The following THBS2 variants were observed in gnomAD, a reference collection of about 807,000 sequenced individuals.
The protein encoded by THBS2 is thrombospondin-2.
A neutral mutation model predicts 135.2 loss-of-function variants in THBS2; 47 were observed. That is an observed-to-expected ratio of 0.35 (90% CI 0.28 to 0.44). THBS2 has a LOEUF of 0.44. Ranked by LOEUF, THBS2 falls within the 20% of genes least tolerant of loss-of-function variation. The pLI, the probability that THBS2 is intolerant of heterozygous loss-of-function variation, is 1.00. For synonymous variants in THBS2, 639 were observed against 633.8 expected, an observed-to-expected ratio of 1.01 and a Z score of -0.12; for missense variants, 1,288 against 1,603.1, an observed-to-expected ratio of 0.80 and a Z score of 3.36.
chr6:169,224,133 T>A (rs74770988), intron 17 of THBS2, among the ~76,000 whole-genome samples: 2 of 102,330 alleles, frequency 2.0e-5, no homozygotes, highest in Non-Finnish European at 4.0e-5. Context: ...TCACGTGGCC[T>A]GCCGTTTTGG....
chr6:169,243,038 G>T (rs372915928), intron 4 of THBS2, among the ~76,000 whole-genome samples: 1 of 22,670 alleles, frequency 4.4e-5, no homozygotes, highest in Admixed American at 4.4e-4. Context: ...CCTTCCCACC[G>T]CTCCCACCTT....
At chr6:169,235,941 ACT>A (rs1491570078) in intron 9 of THBS2, among the ~76,000 whole-genome samples, 1 of 91,002 alleles carries the variant, frequency 1.1e-5, no homozygotes, top group African/African-American at 4.5e-5. Flanking sequence ...CTCAGTCCAA[ACT>A]CACTCCCCAT....
Position 169,240,573 on chromosome 6 carries a change from A to G in THBS2, c.911T>C (p.Leu304Pro). ...LKRVSNDNQFLWELIGGPPKT... is the reference protein window; with the variant it reads ...LKRVSNDNQFPWELIGGPPKT... Reference sequence around the variant, plus strand: ...AGGAGGGCCACCAATGAGCTCCCAGAGAAACTGGTTATCATTCGACTGGAA... The same window carrying G: ...AGGAGGGCCACCAATGAGCTCCCAGGGAAACTGGTTATCATTCGACTGGAA... The change falls in exon 6 of 22, where the codon CTC becomes CCC. Residue 304 changes from leucine to proline, a missense_variant. Physicochemically the swap from Leu to Pro is moderately conservative, Grantham distance 98. Coordinates refer to ENST00000617924, the MANE Select transcript of THBS2 (RefSeq NM_003247.5). 1.2e-6 allele frequency: 2 copies of G among 1,613,958 alleles called. No homozygotes were observed. The highest frequency in any genetic ancestry group is 4.5e-5 in the East Asian group (2 of 44,878).
chr6:169,229,708 A>G lies in THBS2; in HGVS notation c.2152-29T>C, dbSNP rs1382629971. 4 of 1,576,258 alleles carry G rather than the reference A, an allele frequency of 2.5e-6. No individual in the cohort carries two copies. In the Admixed American group the frequency reaches 6.7e-5, roughly 26 times the overall value. ...CAATTGGAGAAGGAAGAATACTTGG[A>G]AAAACATTTAGGAAAGCGCCTCTTT... On this transcript the variant is annotated intron_variant, in intron 13 of 21. Transcript: ENST00000617924.
intron 15 of THBS2, among the ~76,000 whole-genome samples, chr6:169,227,609 C>T (rs772536235): frequency 1.2e-4 from 18 of 152,094 alleles, no homozygotes; most frequent in Non-Finnish European, 1.8e-4. Flanking sequence ...TTCTCTAGGG[C>T]GGTCCTGTGG....
rs764062136 is a variant in THBS2, at chr6:169,241,860, C to T, written c.793G>A (p.Val265Met). 3.7e-6 allele frequency: 6 copies of T among 1,612,578 alleles called. No homozygotes were observed. The highest frequency in any genetic ancestry group is 3.3e-5 in the South Asian group (3 of 91,080). Residue 265 changes from valine to methionine, a missense_variant, in exon 5 of 22, where the codon GTG becomes ATG. This residue lies in a region of THBS2 where 414 missense variants were observed against 447.0 expected (regional missense o/e 0.93). Transcript: ENST00000617924. This position sits in a 1 kb window ranked among gnomAD's most constrained non-coding sequence, Gnocchi z 5.5. ...AGCTCCTCGCACGAGCGTTCGCACACCTCGGGCCTCCTCTCCGAGCTGGGG... is the reference window on the plus strand; with the variant it reads ...AGCTCCTCGCACGAGCGTTCGCACATCTCGGGCCTCCTCTCCGAGCTGGGG... ...VGPSSERRPE[V>M]CERSCEELGN...
chr6:169,242,963 C>G (rs1316076725), intron 4 of THBS2, among the ~76,000 whole-genome samples: 1 of 105,090 alleles, frequency 9.5e-6, no homozygotes, highest in Non-Finnish European at 2.0e-5. Context: ...CACCTTCCCA[C>G]TGCTCCCACC....
chr6:169,217,949 TATGGATGGATGGATGGATGGATGAA>T, intron 21 of THBS2, 120 bp from the exon 22 acceptor site: 2 of 942,664 alleles, frequency 2.1e-6, no homozygotes, highest in South Asian at 3.5e-5. Flanking sequence ...AGATCTATCA[TATGGATGGATGGATGGATGGATGAA>T]ATGGATGGGT....
intron 15 of THBS2, among the ~76,000 whole-genome samples, chr6:169,227,230 T>C (rs1400465234): frequency 1.3e-5 from 2 of 152,098 alleles, no homozygotes; most frequent in African/African-American, 2.4e-5. Flanking sequence ...GTGGAGGAGC[T>C]GGGGCCGAGC....
chr6:169,225,491 C>T lies in THBS2; in HGVS notation c.2539-112G>A, dbSNP rs775652656. ...GGCCTCCTCGTCCTGCAGCACAAGC[C>T]CCAGGGCCACGCAGGGGCGGCTGGC... is the stretch of plus-strand genomic sequence containing the variant. On this transcript the variant is annotated intron_variant, in intron 16 of 21. Transcript: ENST00000617924. 1.2e-4 allele frequency: 137 copies of T among 1,109,562 alleles called. 1 individual carries two copies. Among genetic ancestry groups the T allele is most frequent in the Non-Finnish European group, 2.3e-5 (18 of 768,696 alleles). 68.7% of individuals were successfully genotyped at this position (1,109,562 alleles called of 1,614,324 possible). A position where few individuals can be genotyped will look rare whatever the true frequency, so the allele number is the denominator to read the frequency against.
At chr6:169,251,540 TCTC>T (rs1180213051) in intron 1 of THBS2, among the ~76,000 whole-genome samples, 1 of 152,096 alleles carries the variant, frequency 6.6e-6, no homozygotes, top group African/African-American at 2.4e-5. Context: ...GATCTCAGCT[TCTC>T]CTCTTCCGGG....
intron 21 of THBS2, 46 bp downstream of exon 21, chr6:169,220,146 CCTTTCT>C (rs1223511961): frequency 1.9e-6 from 3 of 1,591,520 alleles, no homozygotes; most frequent in African/African-American, 2.7e-5. Context: ...TACCCCTTTC[CCTTTCT>C]GGGTGCCACA....
At chr6:169,239,488 C>T in intron 7 of THBS2, 111 bp downstream of exon 7, 1 of 989,436 alleles carries the variant, frequency 1.0e-6, no homozygotes, top group Non-Finnish European at 1.5e-6. Flanking sequence ...CACCTGTACT[C>T]AGGGGGCTGA....
intron 6 of THBS2, among the ~76,000 whole-genome samples, chr6:169,240,045 G>T (rs1383702152): frequency 1.3e-5 from 2 of 152,210 alleles, no homozygotes; most frequent in African/African-American, 2.4e-5. Flanking sequence ...AGCAGAAATA[G>T]AGTAACATTA....
rs186167076 is a variant in THBS2, at chr6:169,223,447, A to G, written c.2802T>C (p.Asp934=). The G allele has an allele frequency of 1.3e-5, 21 of 1,614,152 alleles. No individual in the cohort carries two copies. In the Admixed American group the frequency reaches 2.0e-4, roughly 15 times the overall value. Residue 934 remains aspartate (D), a synonymous_variant, in exon 18 of 22, where the codon GAT becomes GAC. Transcript: ENST00000617924. The part of the protein sequence containing the change: ...DGDGRGDICK[D]DFDNDNIPDI... ...CTGGGATGTTGTCATTGTCAAAATC[A>G]TCTTTACAAATATCACCCCGTCCAT...
At chr6:169,234,217 C>A (rs1779951373) in intron 10 of THBS2, among the ~76,000 whole-genome samples, 2 of 150,864 alleles carry the variant, frequency 1.3e-5, no homozygotes, top group Non-Finnish European at 3.0e-5. Flanking sequence ...CCAGATGCCA[C>A]AGTCCACACC....
intron 4 of THBS2, among the ~76,000 whole-genome samples, chr6:169,245,333 C>T (rs1283836749): frequency 2.6e-5 from 4 of 152,170 alleles, no homozygotes; most frequent in African/African-American, 9.7e-5. Flanking sequence ...ATTTAATGAA[C>T]CTGTCATAGT....
intron 17 of THBS2, among the ~76,000 whole-genome samples, chr6:169,224,354 ACACGGAG>A (rs1779542059): frequency 6.6e-6 from 1 of 152,204 alleles, no homozygotes; most frequent in South Asian, 2.1e-4. Context: ...GCATGCCCGA[ACACGGAG>A]TCCAGATGAG....
intron 2 of THBS2, among the ~76,000 whole-genome samples, chr6:169,250,162 TAG>T (rs1429544758): frequency 1.3e-5 from 2 of 152,232 alleles, no homozygotes; most frequent in Non-Finnish European, 2.9e-5. Flanking sequence ...CCACTTTCCA[TAG>T]AGTTACTTGG....
Sources: allele counts gnomAD v4.1 joint callset (sites outside exome capture counted in the v4.1 genomes callset), GRCh38; gene constraint gnomAD v4.1.1; regional missense constraint gnomAD v4.1.1; non-coding constraint Gnocchi (gnomAD v3.1); transcripts MANE v1.5; gene names NCBI Gene and HGNC (gene_info 2026-07-23, HGNC 2026-07-21).